Variants in ZNF91 observed in about 807,000 individuals in gnomAD.
The protein encoded by ZNF91 is zinc finger protein 91.
Under a neutral mutation model 12.6 loss-of-function variants are expected in ZNF91, and 7 were observed. The observed-to-expected ratio is 0.55, with a 90% CI of 0.31 to 1.04. The LOEUF (loss-of-function observed/expected upper bound fraction) is 1.04, where lower values mean the gene tolerates loss of function less well. Ranked by LOEUF, ZNF91 falls within the 50% of genes least tolerant of loss-of-function variation. ZNF91 has a pLI of 0.05. For synonymous variants in ZNF91, 453 were observed against 462.6 expected, an observed-to-expected ratio of 0.98 and a Z score of 0.27; for missense variants, 1,217 against 1,385.4, an observed-to-expected ratio of 0.88 and a Z score of 1.93.
Position 23,374,848 on chromosome 19 carries a change from G to T in ZNF91, c.31-84C>A, listed in dbSNP as rs916953875. 5.1e-6 allele frequency: 8 copies of T among 1,571,810 alleles called. No individual in the cohort carries two copies. In the African/African-American group the frequency reaches 1.1e-4, roughly 21 times the overall value. ...TTGACTCAAGGTAAAATCAGAAAGT[G>T]ACTAGAACTGGTTCTGACTTATAAG... On this transcript the variant is annotated intron_variant, in intron 1 of 3. Coordinates refer to ENST00000300619, the MANE Select transcript of ZNF91 (RefSeq NM_003430.4).
In ZNF91 at chr19:23,361,922, T is replaced by G. The variant is rs201680274; in HGVS notation, c.1057A>C (p.Lys353Gln). The change falls in exon 4 of 4, where the codon AAA (lysine) becomes CAA (glutamine). Residue 353 changes from lysine to glutamine, a missense_variant. Transcript: ENST00000300619. ...TTGCTAAAAGCTTTGCCACATTCTT[T>G]ACATTTGTAGGGTTTCTCTCCAGTA... ...IHTGEKPYKC[K>Q]ECGKAFSNSS... The G allele has an allele frequency of 1.6e-5, 26 of 1,593,004 alleles. No homozygotes were observed. Among genetic ancestry groups the G allele is most frequent in the Non-Finnish European group, 2.0e-5 (24 of 1,171,536 alleles).
At chr19:23,387,339 C>G (rs1384157282) in intron 1 of ZNF91, among the ~76,000 whole-genome samples, 1 of 152,172 alleles carries the variant, frequency 6.6e-6, no homozygotes, top group Non-Finnish European at 1.5e-5. Flanking sequence ...GACACATGCA[C>G]AAGGGTGTTT....
intron 1 of ZNF91, among the ~76,000 whole-genome samples, chr19:23,395,060 G>A (rs1318486965): frequency 1.3e-5 from 2 of 152,298 alleles, no homozygotes; most frequent in African/African-American, 2.4e-5. Context: ...GAGAGACGCG[G>A]CGCTGCGGGA....
upstream of ZNF91, among the ~76,000 whole-genome samples, chr19:23,311,866 G>C (rs1258264469): frequency 6.7e-6 from 1 of 149,054 alleles, no homozygotes; most frequent in African/African-American, 2.5e-5. Flanking sequence ...TTCATCACTA[G>C]GTATTTCAAA....
rs545974030 is a variant in ZNF91 at position 23,367,536 on chromosome 19, A to G, written c.254-4811T>C. 5.1e-4 allele frequency among the ~76,000 whole-genome samples: 78 copies of G among 152,352 alleles called. 1 individual carries two copies. Among genetic ancestry groups the G allele is most frequent in the Non-Finnish European group, 1.1e-3 (72 of 68,028 alleles). The stretch of plus-strand genomic sequence containing the variant: ...GAATCTTTATAAAAATCCCAACAGT[A>G]GTTTTTTAAAGAAATACTGTTTGAG... On this transcript the variant is annotated intron_variant, in intron 3 of 3. Coordinates refer to ENST00000300619, the MANE Select transcript of ZNF91 (RefSeq NM_003430.4).
At chr19:23,321,353 C>T (rs1967690376) in intron 1 of ZNF91, among the ~76,000 whole-genome samples, 1 of 152,152 alleles carries the variant, frequency 6.6e-6, no homozygotes, top group Admixed American at 6.5e-5. Context: ...TACCTTGGTG[C>T]TGCACAGAAG....
At chr19:23,333,032 G>GGCA (rs1967951951) in intron 1 of ZNF91, among the ~76,000 whole-genome samples, 1 of 152,116 alleles carries the variant, frequency 6.6e-6, no homozygotes, top group Non-Finnish European at 1.5e-5. Flanking sequence ...AAAAAGGGTG[G>GGCA]GCATGGACTC....
chr19:23,331,675 C>T (rs1298877148), intron 1 of ZNF91, among the ~76,000 whole-genome samples: 1 of 152,088 alleles, frequency 6.6e-6, no homozygotes, highest in Non-Finnish European at 1.5e-5. Flanking sequence ...TCTGTGTGTT[C>T]TGAAGCTTGC....
intron 1 of ZNF91, among the ~76,000 whole-genome samples, chr19:23,386,645 A>G (rs778310378): frequency 7.9e-5 from 12 of 152,214 alleles, no homozygotes; most frequent in Non-Finnish European, 1.5e-4. Context: ...CACCATACAC[A>G]AAAATCAACT....
chr19:23,321,890 C>G (rs775128671), intron 1 of ZNF91, among the ~76,000 whole-genome samples: 7 of 152,216 alleles, frequency 4.6e-5, no homozygotes, highest in Non-Finnish European at 7.3e-5. Flanking sequence ...AGAACACAGG[C>G]AATCTGATTT....
At position 23,395,440 on chromosome 19, in the gene ZNF91, G is replaced by T; in HGVS notation, c.-86C>A. The stretch of plus-strand genomic sequence containing the variant: ...GCAGAGGACACAGAGCAGTGAAGTC[G>T]AGACCTGGAAACTCCGGCGGCAGCG... On this transcript the variant is annotated 5_prime_UTR_variant, in exon 1 of 4. Coordinates refer to ENST00000300619, the MANE Select transcript of ZNF91 (RefSeq NM_003430.4). 1 of 1,526,780 alleles carries T rather than the reference G, an allele frequency of 6.5e-7. No individual in the cohort carries two copies. Among genetic ancestry groups the T allele is most frequent in the South Asian group, 1.2e-5 (1 of 86,242 alleles). 94.6% of individuals were successfully genotyped at this position (1,526,780 alleles called of 1,614,324 possible). A position where few individuals can be genotyped will look rare whatever the true frequency, so the allele number is the denominator to read the frequency against.
chr19:23,380,322 G>A (rs1969665387), intron 1 of ZNF91: 1 of 131,394 alleles, frequency 7.6e-6, no homozygotes, highest in Non-Finnish European at 1.6e-5. Flanking sequence ...TTGAGCTGCA[G>A]AAGGAGAGCT....
chr19:23,353,518 G>A (rs958514619), downstream of ZNF91, among the ~76,000 whole-genome samples: 10 of 151,790 alleles, frequency 6.6e-5, no homozygotes, highest in Admixed American at 5.2e-4. Flanking sequence ...AAGCAAAAAC[G>A]GAAAATCTAA....
At chr19:23,355,384 G>A (rs1223395537), downstream of ZNF91, among the ~76,000 whole-genome samples, 2 of 152,130 alleles carry the variant, frequency 1.3e-5, no homozygotes, top group African/African-American at 4.8e-5. Context: ...ATGGTTCTGG[G>A]ATAATTGGCT....
intron 1 of ZNF91, among the ~76,000 whole-genome samples, chr19:23,381,870 T>C (rs1332817503): frequency 6.6e-6 from 1 of 152,230 alleles, no homozygotes. Flanking sequence ...TTAGTCTTTA[T>C]AATTCTTTAT....
chr19:23,385,360 C>A (rs1306009183), intron 1 of ZNF91: 1 of 360,042 alleles, frequency 2.8e-6, no homozygotes, highest in African/African-American at 2.1e-5. Context: ...TGCAGTTGAA[C>A]AGAAGGGCTT....
At position 23,345,690 on chromosome 19, in the gene ZNF91, C is replaced by T. The variant is rs148244083; in HGVS notation, c.254-6636G>A. ...CTCCCTCTCAACCATCTTCTTTCAC[C>T]CCCAAGCCTTTTCTTTATCTTCTCA... is the stretch of plus-strand genomic sequence containing the variant. On this transcript the variant is annotated intron_variant, in intron 3 of 3. Transcript: ENST00000599743. Among the ~76,000 whole-genome samples the T allele has an allele frequency of 7.1e-3, 1,081 of 152,176 alleles. 12 individuals carry two copies. The highest frequency in any genetic ancestry group is 0.025 in the African/African-American group (1,028 of 41,518).
Position 23,360,947 on chromosome 19 carries a change from T to C in ZNF91, c.2032A>G (p.Ile678Val), listed in dbSNP as rs778806756. The C allele has an allele frequency of 2.0e-5, 33 of 1,613,728 alleles. No individual in the cohort carries two copies. In the African/African-American group the frequency reaches 2.3e-4, roughly 11 times the overall value. ...TAGGGTTTCTCTTCAGTATGAGTTA[T>C]CTTATGATTAGCAAGGGTTGAGGAA... Reference protein sequence around the residue: ...SNSSTLANHKITHTEEKPYKC... With the variant: ...SNSSTLANHKVTHTEEKPYKC... Residue 678 changes from isoleucine to valine, a missense_variant, in exon 4 of 4, where the codon ATA (isoleucine) becomes GTA (valine). Around this residue, in one of 2 missense-constraint regions of ZNF91, gnomAD observed 726 missense variants for 895.5 expected, o/e 0.81. Coordinates refer to ENST00000300619, the MANE Select transcript of ZNF91 (RefSeq NM_003430.4).
chr19:23,378,273 C>G (rs1969576373), intron 1 of ZNF91, among the ~76,000 whole-genome samples: 1 of 152,292 alleles, frequency 6.6e-6, no homozygotes, highest in Non-Finnish European at 1.5e-5. Flanking sequence ...TTACCCAAAA[C>G]TCTGATCTCT....
Sources: allele counts gnomAD v4.1 joint callset (sites outside exome capture counted in the v4.1 genomes callset), GRCh38; gene constraint gnomAD v4.1.1; regional missense constraint gnomAD v4.1.1; transcripts MANE v1.5; gene names NCBI Gene and HGNC (gene_info 2026-07-23, HGNC 2026-07-21).